Variants in CPSF1 observed in about 807,000 individuals in gnomAD.
CPSF1 encodes the protein cleavage and polyadenylation specific factor 1, also known as cleavage and polyadenylation specificity factor subunit 1.
A neutral mutation model predicts 175.8 loss-of-function variants in CPSF1; 106 were observed. The ratio of observed to expected loss-of-function variants is 0.60; its 90% CI spans 0.52 to 0.71. The LOEUF (loss-of-function observed/expected upper bound fraction) is 0.71. CPSF1 is among the 30% of genes least tolerant of loss of function. The pLI, the probability that CPSF1 is intolerant of heterozygous loss-of-function variation, is 0.00. For missense variants in CPSF1, 1,734 were observed against 2,022.9 expected, an observed-to-expected ratio of 0.86 and a Z score of 2.74; for synonymous variants, 1,024 against 858.3, an observed-to-expected ratio of 1.19 and a Z score of -3.37.
intron 2 of CPSF1, among the ~76,000 whole-genome samples, chr8:144,404,503 C>T (rs1442630525): frequency 3.3e-5 from 5 of 151,018 alleles, no homozygotes; most frequent in African/African-American, 4.9e-5. Context: ...GTAGCTGGGA[C>T]TACAAGCGCC....
rs1223430880 is a variant in CPSF1 at position 144,406,538 on chromosome 8, T to C, written c.144+2477A>G. On this transcript the variant is annotated intron_variant, in intron 2 of 37. Transcript: ENST00000616140. Reference sequence around the variant, plus strand: ...TTGGGGTGCCCCAAGACCCTGTCTTTGTCTATATTCTGGGTGATCTCAACC... The same window carrying C: ...TTGGGGTGCCCCAAGACCCTGTCTTCGTCTATATTCTGGGTGATCTCAACC... 2.6e-5 allele frequency among the ~76,000 whole-genome samples: 4 copies of C among 152,358 alleles called. No individual in the cohort carries two copies. The East Asian group carries it at 5.8e-4, about 22-fold the overall frequency.
In CPSF1 at chr8:144,409,077, G is replaced by A; in HGVS notation, c.82C>T (p.Arg28Cys). Residue 28 changes from arginine (R) to cysteine (C), a missense_variant, in exon 2 of 38, where the codon CGC becomes TGC. Around this residue, in one of 10 missense-constraint regions of CPSF1, gnomAD observed 126 missense variants for 117.9 expected, o/e 1.07. Transcript: ENST00000616140. ...MYCNFFNNSE[R>C]NLVVAGTSQL... ...GAGGTCCCGGCCACTACCAGGTTGC[G>A]CTCGCTGTTGTTGAAGAAGTTGCAG... 1 of 1,613,866 alleles carries A rather than the reference G, an allele frequency of 6.2e-7. No homozygotes were observed.
chr8:144,396,102 C>T (rs755214035), intron 26 of CPSF1: 23 of 553,400 alleles, frequency 4.2e-5, no homozygotes, highest in Non-Finnish European at 6.1e-5. Flanking sequence ...AGGGCTTGCC[C>T]GGCGAGCCGG....
intron 26 of CPSF1, 46 bp from the exon 27 acceptor site, chr8:144,395,597 G>T (rs1554863480): frequency 6.7e-7 from 1 of 1,493,572 alleles, no homozygotes; most frequent in Admixed American, 1.8e-5. Context: ...CTAGCCAAGG[G>T]CAGGGGCAGG....
Position 144,395,323 on chromosome 8 carries a change from C to T in CPSF1, c.3129G>A (p.Pro1043=), listed in dbSNP as rs782129628. 97 of 1,612,914 alleles carry T rather than the reference C, an allele frequency of 6.0e-5. No homozygotes were observed. Among genetic ancestry groups the T allele is most frequent in the Non-Finnish European group, 6.2e-5 (73 of 1,179,884 alleles). ...VYAVATSTNT[P]CARIPRMTGE... is the part of the protein sequence containing the mutation. ...CAGTCATGCGTGGGATGCGGGCACA[C>T]GGCGTGTTGGTGCTGGTGGCCACAG... is the stretch of plus-strand genomic sequence containing the variant. Residue 1043 remains proline, a synonymous_variant, in exon 28 of 38, where the codon CCG becomes CCA. Transcript: ENST00000616140.
Position 144,399,951 on chromosome 8 carries a change from G to A in CPSF1, c.1031+41C>T. 2.5e-6 allele frequency: 4 copies of A among 1,596,422 alleles called. No homozygotes were observed. The highest frequency in any genetic ancestry group is 3.4e-6 in the Non-Finnish European group (4 of 1,170,288). On this transcript the variant is annotated intron_variant, in intron 10 of 37. Transcript: ENST00000616140. The surrounding 1 kb of genome is among the most constrained non-coding windows in gnomAD (Gnocchi z 6.4). Reference sequence around the variant, plus strand: ...CAGGGGACCCTACAGGACTTGTGGGGGGCGGTGTGGGCAGAGTTCATGGGC... The same window carrying A: ...CAGGGGACCCTACAGGACTTGTGGGAGGCGGTGTGGGCAGAGTTCATGGGC...
At position 144,401,486 on chromosome 8, in the gene CPSF1, C is replaced by T; in HGVS notation, c.250G>A (p.Val84Met). The T allele has an allele frequency of 6.2e-7, 1 of 1,614,006 alleles. No individual in the cohort carries two copies. The highest frequency in any genetic ancestry group is 8.5e-7 in the Non-Finnish European group (1 of 1,179,982). The change falls in exon 4 of 38, where the codon GTG becomes ATG. Residue 84 changes from valine to methionine, a missense_variant. By Grantham distance (21) the Val-to-Met change is conservative. Coordinates refer to ENST00000616140, the MANE Select transcript of CPSF1 (RefSeq NM_013291.3). ...TCCCGCTTGGCTCCTGCCAGCTGCACGCTGGCCATGGACATGACGTTGCCA... is the reference window on the plus strand; with the variant it reads ...TCCCGCTTGGCTCCTGCCAGCTGCATGCTGGCCATGGACATGACGTTGCCA... ...FFGNVMSMAS[V>M]QLAGAKRDAL... is the part of the protein sequence containing the mutation.
At chr8:144,404,287 A>C (rs1251149175) in intron 2 of CPSF1, among the ~76,000 whole-genome samples, 1 of 152,018 alleles carries the variant, frequency 6.6e-6, no homozygotes, top group East Asian at 1.9e-4. Context: ...CGCCTGATCC[A>C]CTCTGCCAAG....
intron 26 of CPSF1, chr8:144,396,126 G>A: frequency 1.7e-6 from 1 of 584,818 alleles, no homozygotes; most frequent in Non-Finnish European, 3.0e-6. Context: ...AGCAGTGGTG[G>A]GGACCCCAGG....
intron 2 of CPSF1, among the ~76,000 whole-genome samples, chr8:144,403,371 G>T (rs2116894623): frequency 7.9e-5 from 12 of 152,194 alleles, no homozygotes; most frequent in African/African-American, 2.6e-4. Flanking sequence ...TGGGATTACA[G>T]GCATGAGCCA....
chr8:144,398,748 C>T, intron 17 of CPSF1, 31 bp downstream of exon 17: 1 of 1,590,548 alleles, frequency 6.3e-7, no homozygotes, highest in Non-Finnish European at 8.6e-7. Context: ...GGTCCCATCC[C>T]AGGGCCTCCC....
chr8:144,396,681 C>A lies in CPSF1; in HGVS notation c.2743G>T (p.Gly915Cys), dbSNP rs781915824. The A allele has an allele frequency of 9.3e-6, 15 of 1,613,816 alleles. No individual in the cohort carries two copies. Among genetic ancestry groups the A allele is most frequent in the Non-Finnish European group, 1.3e-5 (15 of 1,180,032 alleles). ...KPKPSKKKAEGGGAEEGAGAR... is the reference protein window; with the variant it reads ...KPKPSKKKAECGGAEEGAGAR... ...CCAGCCCCCTCCTCTGCGCCGCCACCTTCTGCTTTCTTCTTGGATGGCTTT... is the reference window on the plus strand; with the variant it reads ...CCAGCCCCCTCCTCTGCGCCGCCACATTCTGCTTTCTTCTTGGATGGCTTT... Residue 915 changes from glycine to cysteine, a missense_variant, in exon 25 of 38, where the codon GGT becomes TGT. Around this residue, in one of 10 missense-constraint regions of CPSF1, gnomAD observed 585 missense variants for 584.7 expected, o/e 1.00. Transcript: ENST00000616140.
At chr8:144,395,620 GCCAAGAGCC>G in intron 26 of CPSF1, 69 bp from the exon 27 acceptor site, 1 of 1,342,666 alleles carries the variant, frequency 7.4e-7, no homozygotes, top group Non-Finnish European at 1.0e-6. Context: ...GGCCCAGGCC[GCCAAGAGCC>G]CTGGGATGTT....
intron 2 of CPSF1, among the ~76,000 whole-genome samples, chr8:144,406,604 G>GT (rs1408809041): frequency 6.6e-6 from 1 of 152,210 alleles, no homozygotes; most frequent in East Asian, 1.9e-4. Context: ...TGAAGACTCT[G>GT]ACTTGACCTC....
chr8:144,398,768 C>T lies in CPSF1; in HGVS notation c.1638+11G>A, dbSNP rs1340531887. ...CATCCCAGGGCCTCCCTGCAGCAGGCTCGCACCTACCTCCTCCTTACGCAC... is the reference window on the plus strand; with the variant it reads ...CATCCCAGGGCCTCCCTGCAGCAGGTTCGCACCTACCTCCTCCTTACGCAC... On this transcript the variant is annotated intron_variant, in intron 17 of 37. Transcript: ENST00000616140. 2 of 1,592,512 alleles carry T rather than the reference C, an allele frequency of 1.3e-6. No homozygotes were observed. The highest frequency in any genetic ancestry group is 1.7e-6 in the Non-Finnish European group (2 of 1,166,344).
rs868941446 is a variant in CPSF1, at chr8:144,393,907, C to T, written c.3991G>A (p.Glu1331Lys). Residue 1331 changes from glutamate (E) to lysine (K), a missense_variant, in exon 35 of 38, where the codon GAG becomes AAG. This residue lies in a region of CPSF1 where 323 missense variants were observed against 338.5 expected (regional missense o/e 0.95). Transcript: ENST00000616140. ...EGLSKKSVVW[E>K]NKHITWFATL... ...CCAAACCACGTGATGTGCTTATTCT[C>T]CCACACGACCGACTTTTTGCTGAGC... 1 of 1,612,774 alleles carries T rather than the reference C, an allele frequency of 6.2e-7. No individual in the cohort carries two copies. Among genetic ancestry groups the T allele is most frequent in the Non-Finnish European group, 8.5e-7 (1 of 1,179,494 alleles).
rs1554869951 is a variant in CPSF1 at position 144,409,018 on chromosome 8, G to C, written c.141C>G (p.Ala47=). The C allele has an allele frequency of 5.0e-6, 8 of 1,612,734 alleles. No homozygotes were observed. The highest frequency in any genetic ancestry group is 6.8e-6 in the Non-Finnish European group (8 of 1,179,650). Residue 47 remains alanine, a synonymous_variant, in exon 2 of 38, where the codon GCC becomes GCG. Transcript: ENST00000616140. ...GGGCTCCCAGGGCCCGACCTACCTC[G>C]GCGTCGCGGTTGAGGCGGTACACGT... The part of the protein sequence containing the change: ...QLYVYRLNRD[A]EALTKNDRST...
chr8:144,395,221 C>G (rs1490661059), intron 28 of CPSF1, 39 bp from the exon 29 acceptor site: 4 of 1,612,560 alleles, frequency 2.5e-6, no homozygotes, highest in Non-Finnish European at 3.4e-6. Flanking sequence ...TAGGGCTTCC[C>G]CAAGATGCGG....
Position 144,396,419 on chromosome 8 carries a change from C to T in CPSF1, c.2908G>A (p.Gly970Ser). 7 of 1,592,138 alleles carry T rather than the reference C, an allele frequency of 4.4e-6. No individual in the cohort carries two copies. The highest frequency in any genetic ancestry group is 2.3e-5 in the South Asian group (2 of 88,864). The change falls in exon 26 of 38, where the codon GGC becomes AGC. Residue 970 changes from glycine to serine, a missense_variant. Coordinates refer to ENST00000616140, the MANE Select transcript of CPSF1 (RefSeq NM_013291.3). Reference sequence around the variant, plus strand: ...AATGGAGCGAAAGAGTCGACCGGGCCGTCGATGGCCATGGGGTGTAGCCGC... The same window carrying T: ...AATGGAGCGAAAGAGTCGACCGGGCTGTCGATGGCCATGGGGTGTAGCCGC... ...ALRLHPMAID[G>S]PVDSFAPFHN...
Sources: allele counts gnomAD v4.1 joint callset (sites outside exome capture counted in the v4.1 genomes callset), GRCh38; gene constraint gnomAD v4.1.1; regional missense constraint gnomAD v4.1.1; non-coding constraint Gnocchi (gnomAD v3.1); transcripts MANE v1.5; gene names NCBI Gene and HGNC (gene_info 2026-07-23, HGNC 2026-07-21).